Variants in NDUFAF5 observed in about 807,000 individuals in gnomAD.
NDUFAF5 encodes the protein NADH:ubiquinone oxidoreductase complex assembly factor 5.
A neutral mutation model predicts 48.9 loss-of-function variants in NDUFAF5; 34 were observed. The observed-to-expected ratio is 0.70, with a 90% CI of 0.53 to 0.93. The LOEUF (loss-of-function observed/expected upper bound fraction) is 0.93. NDUFAF5 is among the 40% of genes least tolerant of loss of function. The pLI is 0.00. For synonymous variants in NDUFAF5, 153 were observed against 150.6 expected (o/e 1.02, Z -0.12); for missense variants, 428 against 427.5 (o/e 1.00, Z -0.01).
At chr20:13,802,348 CT>C (rs1984294356) in intron 7 of NDUFAF5, among the ~76,000 whole-genome samples, 1 of 152,082 alleles carries the variant, frequency 6.6e-6, no homozygotes, top group Admixed American at 6.5e-5. Flanking sequence ...AGTAACTTAC[CT>C]TTTTGAGCAT....
In NDUFAF5 at chr20:13,785,054, G is replaced by T; in HGVS notation, c.-15G>T. 1 of 1,605,800 alleles carries T rather than the reference G, an allele frequency of 6.2e-7. No individual in the cohort carries two copies. Among genetic ancestry groups the T allele is most frequent in the South Asian group, 1.1e-5 (1 of 90,390 alleles). On this transcript the variant is annotated 5_prime_UTR_variant, in exon 1 of 11. Coordinates refer to ENST00000378106, the MANE Select transcript of NDUFAF5 (RefSeq NM_024120.5). ...TGCGCACAAAAAGCGCCGGCAATTG[G>T]GGTCGCAGCTGGAGATGCTGCGGCC...
At chr20:13,810,483 G>A (rs1169572907) in intron 8 of NDUFAF5, among the ~76,000 whole-genome samples, 1 of 152,168 alleles carries the variant, frequency 6.6e-6, no homozygotes, top group East Asian at 1.9e-4. Flanking sequence ...GGAGTAAGTG[G>A]AAAGTGAGGA....
At chr20:13,804,105 T>C (rs536993592) in intron 7 of NDUFAF5, among the ~76,000 whole-genome samples, 1 of 152,152 alleles carries the variant, frequency 6.6e-6, no homozygotes, top group Non-Finnish European at 1.5e-5. Flanking sequence ...AAAACAAAAA[T>C]AATTGAAAGG....
At chr20:13,814,186 G>C in intron 8 of NDUFAF5, 1 of 334,502 alleles carries the variant, frequency 3.0e-6, no homozygotes, top group Non-Finnish European at 5.9e-6. Flanking sequence ...TTTGTATGCT[G>C]AAATCTTAGC....
rs750039099 is a variant in NDUFAF5 at position 13,785,185 on chromosome 20, C to G, written c.117C>G (p.Thr39=). 30 of 1,613,896 alleles carry G rather than the reference C, an allele frequency of 1.9e-5. No homozygotes were observed. In the South Asian group the frequency reaches 3.2e-4, roughly 17 times the overall value. ...CTGGTGTCTCTCCCCGCGGTAGCAC[C>G]TCGCCCAGAACCCTGAATATTTTCG... ...VTSGVSPRGS[T]SPRTLNIFDR... The change falls in exon 1 of 11, where the codon ACC becomes ACG. Residue 39 remains threonine (T), a synonymous_variant. Coordinates refer to ENST00000378106, the MANE Select transcript of NDUFAF5 (RefSeq NM_024120.5).
chr20:13,795,575 T>C (rs928979648), intron 5 of NDUFAF5, among the ~76,000 whole-genome samples: 1 of 151,926 alleles, frequency 6.6e-6, no homozygotes, highest in Non-Finnish European at 1.5e-5. Flanking sequence ...TCCCAACACT[T>C]TGGGAGGCTG....
In NDUFAF5 at chr20:13,788,994, A is replaced by T. The variant is rs187559643; in HGVS notation, c.327+342A>T. 3.7e-3 allele frequency among the ~76,000 whole-genome samples: 559 copies of T among 152,334 alleles called. 3 individuals carry two copies. The highest frequency in any genetic ancestry group is 6.4e-3 in the Non-Finnish European group (433 of 68,024). ...GAAAATGTGACTTTTAGCTAGAAAA[A>T]TATTAATTTTATCAGTTGATTAGAA... On this transcript the variant is annotated intron_variant, in intron 3 of 10. Transcript: ENST00000378106.
chr20:13,811,177 G>C (rs1248155392), intron 8 of NDUFAF5, among the ~76,000 whole-genome samples: 16 of 152,164 alleles, frequency 1.1e-4, no homozygotes, highest in Admixed American at 6.5e-4. Context: ...GAACAAGAAA[G>C]AGTGAGCTGA....
At chr20:13,806,450 A>T (rs1042311659) in intron 7 of NDUFAF5, among the ~76,000 whole-genome samples, 1 of 152,230 alleles carries the variant, frequency 6.6e-6, no homozygotes, top group African/African-American at 2.4e-5. Context: ...CGGAGGTTGC[A>T]GTGAGCCGAG....
chr20:13,815,201 C>T (rs1014120917), intron 8 of NDUFAF5, among the ~76,000 whole-genome samples: 3 of 152,134 alleles, frequency 2.0e-5, no homozygotes, highest in Non-Finnish European at 2.9e-5. Context: ...AATGAAAGCA[C>T]CATACCTGAG....
chr20:13,815,045 T>C (rs1986301485), intron 8 of NDUFAF5, among the ~76,000 whole-genome samples: 4 of 152,204 alleles, frequency 2.6e-5, no homozygotes, highest in Admixed American at 2.6e-4. Flanking sequence ...TAATCTTAAT[T>C]AGTATATCCT....
In NDUFAF5 at chr20:13,787,361, T is replaced by G; in HGVS notation, c.263+9T>G. The G allele has an allele frequency of 6.2e-7, 1 of 1,613,392 alleles. No homozygotes were observed. The highest frequency in any genetic ancestry group is 8.5e-7 in the Non-Finnish European group (1 of 1,179,348). ...GTATATGACATACCCAGGTAAGTGG[T>G]GGTGATCATAATACAATACCATCAA... is the stretch of plus-strand genomic sequence containing the variant. On this transcript the variant is annotated intron_variant, in intron 2 of 10. Transcript: ENST00000378106.
rs1293381709 is a variant in NDUFAF5 at position 13,819,965 on chromosome 20, G to A, written c.*2755G>A. 6.6e-6 allele frequency: 1 copy of A among 151,938 alleles called. No homozygotes were observed. Among genetic ancestry groups the A allele is most frequent in the East Asian group, 1.9e-4 (1 of 5,198 alleles). 9.4% of individuals were successfully genotyped at this position (151,938 alleles called of 1,614,324 possible). ...AAGACTCCTTTGGAATAAAATTCAT[G>A]AGCTTTATTGGTTCCTTTAACAGAT... is the stretch of plus-strand genomic sequence containing the variant. On this transcript the variant is annotated 3_prime_UTR_variant, in exon 11 of 11. Coordinates refer to ENST00000378106, the MANE Select transcript of NDUFAF5 (RefSeq NM_024120.5).
chr20:13,813,733 A>G (rs1043611721), intron 8 of NDUFAF5, among the ~76,000 whole-genome samples: 3 of 152,200 alleles, frequency 2.0e-5, no homozygotes, highest in African/African-American at 4.8e-5. Flanking sequence ...TGCCCGGAGA[A>G]TGAAAGGTGG....
intron 7 of NDUFAF5, 160 bp downstream of exon 7, chr20:13,801,843 A>C: frequency 1.6e-6 from 1 of 637,384 alleles, no homozygotes. Context: ...GACAATGTTT[A>C]GTTTGTATAA....
chr20:13,808,659 T>A (rs1473847374), intron 7 of NDUFAF5, among the ~76,000 whole-genome samples, 183 bp from the exon 8 acceptor site: 1 of 152,190 alleles, frequency 6.6e-6, no homozygotes, highest in Non-Finnish European at 1.5e-5. Flanking sequence ...ATGCAGGATA[T>A]TTAATCAGCA....
chr20:13,816,915 C>T lies in NDUFAF5; in HGVS notation c.903C>T (p.Tyr301=), dbSNP rs368719992. 1.9e-6 allele frequency: 3 copies of T among 1,609,324 alleles called. No homozygotes were observed. Among genetic ancestry groups the T allele is most frequent in the Non-Finnish European group, 1.7e-6 (2 of 1,175,836 alleles). Residue 301 remains tyrosine, a synonymous_variant, in exon 10 of 11, where the codon TAC becomes TAT. Coordinates refer to ENST00000378106, the MANE Select transcript of NDUFAF5 (RefSeq NM_024120.5). ...RNEDGSVPAT[Y]QIYYMIGWKY... ...AAGATGGTTCAGTACCTGCTACATA[C>T]CAGATCTATTACATGATAGGATGGA... is the stretch of plus-strand genomic sequence containing the variant.
At chr20:13,788,213 A>T (rs1218681043) in intron 2 of NDUFAF5, among the ~76,000 whole-genome samples, 2 of 152,236 alleles carry the variant, frequency 1.3e-5, no homozygotes, top group Non-Finnish European at 2.9e-5. Flanking sequence ...CTGCTTCAAG[A>T]AGTCTGAGAA....
rs369908189 is a variant in NDUFAF5, at chr20:13,794,992, C to T, written c.479+51C>T. Reference sequence around the variant, plus strand: ...ATATGTTATAAACAGATCATTCTTGCCATAAAGTTTTGCTATGAGGCCAGG... The same window carrying T: ...ATATGTTATAAACAGATCATTCTTGTCATAAAGTTTTGCTATGAGGCCAGG... On this transcript the variant is annotated intron_variant, in intron 5 of 10. Transcript: ENST00000378106. 1.7e-5 allele frequency: 23 copies of T among 1,341,878 alleles called. No homozygotes were observed. The African/African-American group carries it at 3.2e-4, about 19-fold the overall frequency. 83.1% of individuals were successfully genotyped at this position (1,341,878 alleles called of 1,614,324 possible).
Sources: allele counts gnomAD v4.1 joint callset (sites outside exome capture counted in the v4.1 genomes callset), GRCh38; gene constraint gnomAD v4.1.1; transcripts MANE v1.5; gene names NCBI Gene and HGNC (gene_info 2026-07-23, HGNC 2026-07-21).